TENM1: variants seen among roughly 807,000 people sequenced by gnomAD.
The protein encoded by TENM1 is teneurin-1.
TENM1 carries 35 observed loss-of-function variants against 174.8 expected under a neutral mutation model. The ratio of observed to expected loss-of-function variants is 0.20; its 90% CI spans 0.15 to 0.27. TENM1 has a LOEUF of 0.27. Among genes scored for constraint, TENM1 ranks in the 10% least tolerant of loss-of-function variants. The probability of loss-of-function intolerance (pLI) is 1.00; values close to 1 mark genes in which losing one functional copy is unlikely to be tolerated. For missense variants in TENM1, 1,633 were observed against 2,130.1 expected (o/e 0.77, Z 4.59); for synonymous variants, 781 against 798.7 (o/e 0.98, Z 0.37).
At chrX:124,652,043 G>A (rs746516649) in exon 8 of TENM1, 7 of 1,209,895 alleles carry the variant, frequency 5.8e-6, no homozygotes, top group South Asian at 1.8e-5. Context: ...ATCAGGTTCC[G>A]AGGGGAGTGC....
At chrX:125,107,373 TC>T in the TENM1 span, among the ~76,000 whole-genome samples, 1 of 112,464 alleles carries the variant, frequency 8.9e-6, no homozygotes, top group African/African-American at 3.2e-5. Context: ...TTGAAGGATT[TC>T]CCCCTGACTC....
At chrX:124,603,593 CCA>C (rs2050081104) in intron 11 of TENM1, among the ~76,000 whole-genome samples, 1 of 111,642 alleles carries the variant, frequency 9.0e-6, no homozygotes, top group Non-Finnish European at 1.9e-5. Flanking sequence ...ATGCTGGAGC[CCA>C]CACTTTTAAC....
chrX:124,469,279 T>G (rs2061273637), intron 22 of TENM1, among the ~76,000 whole-genome samples: 1 of 112,230 alleles, frequency 8.9e-6, no homozygotes, highest in Admixed American at 9.5e-5. Flanking sequence ...CTTAAAAAAG[T>G]ATTTTAATAC....
At position 124,379,203 on chromosome X, in the gene TENM1, T is replaced by C. The variant is rs774612840; in HGVS notation, c.*1333A>G. The C allele has an allele frequency of 4.5e-5, 5 of 112,026 alleles. No homozygotes were observed. In the South Asian group the frequency reaches 1.9e-3, roughly 42 times the overall value. 9.2% of individuals were successfully genotyped at this position (112,026 alleles called of 1,213,427 possible). ...AGAACAAATAACCCGTCCTGGAAAATAGTTATTTTCCTAGGCAGTAGAGAC... is the reference window on the plus strand; with the variant it reads ...AGAACAAATAACCCGTCCTGGAAAACAGTTATTTTCCTAGGCAGTAGAGAC... On this transcript the variant is annotated 3_prime_UTR_variant, in exon 32 of 32. Coordinates refer to ENST00000422452, the Ensembl canonical transcript of TENM1.
At chrX:124,754,426 A>T (rs1214096507) in intron 3 of TENM1, among the ~76,000 whole-genome samples, 1 of 111,057 alleles carries the variant, frequency 9.0e-6, no homozygotes, top group Non-Finnish European at 1.9e-5. Context: ...TGTTGATCCT[A>T]TCAAAACACC....
intron 6 of TENM1, among the ~76,000 whole-genome samples, chrX:124,654,908 T>C (rs6649272): frequency 0.026 from 2,889 of 111,286 alleles, 96 homozygotes; most frequent in African/African-American, 0.09. Flanking sequence ...ACAGCTCATA[T>C]AGAAAAACTA....
At chrX:124,763,190 G>A (rs1035787097) in intron 3 of TENM1, among the ~76,000 whole-genome samples, 1 of 110,894 alleles carries the variant, frequency 9.0e-6, no homozygotes, top group Non-Finnish European at 1.9e-5. Context: ...AGTCTACAAG[G>A]TTTCACAGAA....
chrX:125,112,328 A>G, the TENM1 span, among the ~76,000 whole-genome samples: 8 of 110,416 alleles, frequency 7.2e-5, no homozygotes, highest in Non-Finnish European at 1.5e-4. Context: ...GAGCTACTAG[A>G]TAAAGCTATT....
chrX:124,824,031 C>T (rs759869514), intron 3 of TENM1, among the ~76,000 whole-genome samples: 1 of 111,758 alleles, frequency 8.9e-6, no homozygotes, highest in Admixed American at 9.5e-5. Context: ...ATAGGTACAC[C>T]ATGATTTATT....
intron 23 of TENM1, among the ~76,000 whole-genome samples, chrX:124,430,501 TTAGA>T (rs2060768804): frequency 8.9e-6 from 1 of 112,264 alleles, no homozygotes; most frequent in Admixed American, 9.5e-5. Context: ...ATTATTGGAA[TTAGA>T]TAGGAAAAAA....
the TENM1 span, among the ~76,000 whole-genome samples, chrX:125,121,104 G>T: frequency 1.8e-5 from 2 of 111,708 alleles, no homozygotes. Flanking sequence ...GCAAAGAATG[G>T]AATAGGGTAC....
chrX:124,700,975 C>T (rs1158056821), intron 5 of TENM1, among the ~76,000 whole-genome samples: 1 of 111,448 alleles, frequency 9.0e-6, no homozygotes, highest in Non-Finnish European at 1.9e-5. Context: ...TGAAGAAGGC[C>T]CTTTGCCCTC....
chrX:124,622,706 T>G (rs1228007805), intron 11 of TENM1, among the ~76,000 whole-genome samples: 3 of 111,394 alleles, frequency 2.7e-5, no homozygotes, highest in Admixed American at 1.9e-4. Flanking sequence ...AAAATCAATT[T>G]GAGATGTCTT....
At chrX:125,115,623 G>A in the TENM1 span, among the ~76,000 whole-genome samples, 1 of 111,134 alleles carries the variant, frequency 9.0e-6, no homozygotes, top group Non-Finnish European at 1.9e-5. Flanking sequence ...AATCTTGAGT[G>A]AACTCCCATT....
intron 3 of TENM1, among the ~76,000 whole-genome samples, chrX:124,889,394 G>A (rs1007174169): frequency 1.8e-5 from 2 of 111,660 alleles, no homozygotes; most frequent in African/African-American, 6.5e-5. Context: ...GAAGAAATAT[G>A]AACTAAGGTT....
At chrX:125,107,954 G>A in the TENM1 span, among the ~76,000 whole-genome samples, 58 of 111,722 alleles carry the variant, frequency 5.2e-4, no homozygotes, top group African/African-American at 1.8e-3. Context: ...CAGACCTTTC[G>A]ACTTGTATTT....
At chrX:124,566,910 T>C (rs2048953849) in intron 11 of TENM1, among the ~76,000 whole-genome samples, 1 of 112,038 alleles carries the variant, frequency 8.9e-6, no homozygotes, top group South Asian at 3.7e-4. Flanking sequence ...TTAATCTCTG[T>C]TTGCGTAAGA....
At chrX:124,905,348 G>A (rs184230152) in intron 1 of TENM1, among the ~76,000 whole-genome samples, 3 of 111,281 alleles carry the variant, frequency 2.7e-5, no homozygotes, top group African/African-American at 9.8e-5. Flanking sequence ...TTCTAAGTTG[G>A]GAAAGATTGA....
intron 11 of TENM1, among the ~76,000 whole-genome samples, chrX:124,614,654 G>A (rs936465525): frequency 1.8e-5 from 2 of 112,085 alleles, no homozygotes; most frequent in East Asian, 5.6e-4. Context: ...AGGCCTAGGC[G>A]GGCAGATCAC....
Sources: gnomAD v4.1 joint callset for allele counts (sites outside exome capture counted in the v4.1 genomes callset) on GRCh38, gnomAD v4.1.1 for gene constraint, MANE v1.5 for transcripts, NCBI Gene and HGNC (gene_info 2026-07-23, HGNC 2026-07-21) for gene names.